USP20: variants seen among roughly 807,000 people sequenced by gnomAD.
USP20 encodes the protein ubiquitin specific peptidase 20.
Under a neutral mutation model 124.2 loss-of-function variants are expected in USP20, and 80 were observed. That is an observed-to-expected ratio of 0.64 (90% CI 0.54 to 0.78). The LOEUF is 0.78. Among genes scored for constraint, USP20 ranks in the 30% least tolerant of loss-of-function variants. The probability of loss-of-function intolerance (pLI) is 0.00; values close to 1 mark genes in which losing one functional copy is unlikely to be tolerated. For synonymous variants in USP20, 481 were observed against 512.3 expected, an observed-to-expected ratio of 0.94 and a Z score of 0.83; for missense variants, 1,043 against 1,244.4, an observed-to-expected ratio of 0.84 and a Z score of 2.44.
At chr9:129,876,780 G>A (rs1326070163) in intron 22 of USP20, among the ~76,000 whole-genome samples, 6 of 152,150 alleles carry the variant, frequency 3.9e-5, no homozygotes, top group Non-Finnish European at 8.8e-5. Flanking sequence ...TGAGCTTAAA[G>A]AACCAGTAGA....
intron 6 of USP20, among the ~76,000 whole-genome samples, chr9:129,860,250 A>C (rs763114417): frequency 5.9e-5 from 9 of 151,788 alleles, no homozygotes; most frequent in Non-Finnish European, 1.0e-4. Flanking sequence ...GAATGGCATG[A>C]ACCTGGGAGG....
chr9:129,879,928 C>T lies in USP20; in HGVS notation c.2585-185C>T, dbSNP rs761098803. ...GGGACACAGCCAGAGATGTGTTATC[C>T]GGGGCCCTTAGCGGGATGGACATTC... is the stretch of plus-strand genomic sequence containing the variant. On this transcript the variant is annotated intron_variant, in intron 24 of 25. Coordinates refer to ENST00000372429, the MANE Select transcript of USP20 (RefSeq NM_001110303.4). The surrounding 1 kb of genome is among the most constrained non-coding windows in gnomAD (Gnocchi z 4.2). Among the ~76,000 whole-genome samples, 8 of 152,140 alleles carry T rather than the reference C, an allele frequency of 5.3e-5. No homozygotes were observed. The highest frequency in any genetic ancestry group is 1.0e-4 in the Non-Finnish European group (7 of 68,024).
At chr9:129,851,084 C>T (rs889844329) in intron 2 of USP20, among the ~76,000 whole-genome samples, 15 of 152,114 alleles carry the variant, frequency 9.9e-5, no homozygotes, top group Non-Finnish European at 1.6e-4. Flanking sequence ...AATCAGCAGT[C>T]AGATTCCTGG....
chr9:129,869,502 G>A, intron 13 of USP20, 77 bp downstream of exon 13: 3 of 1,550,608 alleles, frequency 1.9e-6, no homozygotes, highest in Admixed American at 1.7e-5. Flanking sequence ...CTGGGTGCAG[G>A]GTGGGCTCTC....
At chr9:129,846,887 A>G (rs1240452762) in intron 1 of USP20, among the ~76,000 whole-genome samples, 2 of 152,250 alleles carry the variant, frequency 1.3e-5, no homozygotes, top group East Asian at 1.9e-4. Context: ...TCAGCCTCCC[A>G]AAGTGTTGGG....
intron 19 of USP20, 77 bp from the exon 20 acceptor site, chr9:129,875,233 A>G (rs2034331660): frequency 6.9e-7 from 1 of 1,450,376 alleles, no homozygotes; most frequent in Non-Finnish European, 9.2e-7. Flanking sequence ...CCCGAGGTGC[A>G]CTGGGATGGG....
chr9:129,873,617 G>A, intron 16 of USP20, 82 bp from the exon 17 acceptor site: 1 of 1,613,552 alleles, frequency 6.2e-7, no homozygotes, highest in Non-Finnish European at 8.5e-7. Flanking sequence ...TGCCTTCCCA[G>A]AAGGGAGCCG....
chr9:129,841,019 C>T (rs546975659), intron 1 of USP20, among the ~76,000 whole-genome samples: 12 of 152,306 alleles, frequency 7.9e-5, no homozygotes, highest in African/African-American at 2.9e-4. Context: ...GATCCGCCAG[C>T]CTCAACCTCC....
At chr9:129,868,802 G>T in intron 11 of USP20, 60 bp from the exon 12 acceptor site, 1 of 1,504,348 alleles carries the variant, frequency 6.6e-7, no homozygotes. Context: ...TCATCTTCCT[G>T]CCCACTCGTG....
intron 2 of USP20, among the ~76,000 whole-genome samples, chr9:129,850,758 C>T (rs904017085): frequency 6.6e-6 from 1 of 152,102 alleles, no homozygotes; most frequent in South Asian, 2.1e-4. Flanking sequence ...TGGGTTCAAG[C>T]GATTCTCCTG....
Position 129,868,138 on chromosome 9 carries a change from A to G in USP20, c.824A>G (p.Asp275Gly). 6.2e-7 allele frequency: 1 copy of G among 1,614,148 alleles called. No individual in the cohort carries two copies. The highest frequency in any genetic ancestry group is 2.2e-5 in the East Asian group (1 of 44,880). Residue 275 changes from aspartate to glycine, a missense_variant, in exon 11 of 26, where the codon GAC (aspartate) becomes GGC (glycine). Transcript: ENST00000372429. ...GACACGGATGAGAAACGGGAGGGTG[A>G]CCGGAGCCCATCAGAAGATGAGTTC... ...SSDTDEKREG[D>G]RSPSEDEFLS...
chr9:129,850,206 A>G (rs1250634904), intron 2 of USP20, among the ~76,000 whole-genome samples: 3 of 152,102 alleles, frequency 2.0e-5, no homozygotes, highest in African/African-American at 7.2e-5. Flanking sequence ...AGTTTGGTCT[A>G]CTTTGTTTTT....
rs748752143 is a variant in USP20, at chr9:129,874,820, C to T, written c.1922-9C>T. The T allele has an allele frequency of 3.1e-6, 5 of 1,613,926 alleles. No individual in the cohort carries two copies. The highest frequency in any genetic ancestry group is 3.4e-6 in the Non-Finnish European group (4 of 1,180,016). On this transcript the variant is annotated splice_polypyrimidine_tract_variant and intron_variant, in intron 18 of 25. Transcript: ENST00000372429. ...GGATCCCTGTGACCCGTCTGCTCTG[C>T]CGCCGCAGGTGGGCACTACATCGCC...
In USP20 at chr9:129,863,228, G is replaced by T; in HGVS notation, c.540G>T (p.Val180=). Residue 180 remains valine (V), a synonymous_variant, in exon 9 of 26, where the codon GTG becomes GTT. Coordinates refer to ENST00000372429, the MANE Select transcript of USP20 (RefSeq NM_001110303.4). ...TCTTCTTGGAGTGTGGCGGCCTGGTGCGCACAGATAAGAAGCCAGCCCTGT... is the reference window on the plus strand; with the variant it reads ...TCTTCTTGGAGTGTGGCGGCCTGGTTCGCACAGATAAGAAGCCAGCCCTGT... The part of the protein sequence containing the change: ...TQFFLECGGL[V]RTDKKPALCK... 1.9e-6 allele frequency: 3 copies of T among 1,550,274 alleles called. No homozygotes were observed. The highest frequency in any genetic ancestry group is 1.7e-6 in the Non-Finnish European group (2 of 1,145,350).
intron 12 of USP20, 121 bp downstream of exon 12, chr9:129,869,123 C>T: frequency 7.1e-7 from 1 of 1,414,022 alleles, no homozygotes; most frequent in South Asian, 1.4e-5. Flanking sequence ...TCAGGTACAC[C>T]CCTGAGACAC....
In USP20 at chr9:129,873,401, C is replaced by A; in HGVS notation, c.1661-81C>A. 5 of 1,550,176 alleles carry A rather than the reference C, an allele frequency of 3.2e-6. No homozygotes were observed. In the South Asian group the frequency reaches 5.6e-5, roughly 17 times the overall value. ...GCCCAGCCAGGTTTTATTTCTTAAG[C>A]AGAAATCATTATAGTCACTTTTTTT... On this transcript the variant is annotated intron_variant, in intron 15 of 25. Transcript: ENST00000372429.
intron 1 of USP20, among the ~76,000 whole-genome samples, chr9:129,844,018 T>C (rs2032391040): frequency 6.7e-6 from 1 of 149,976 alleles, no homozygotes; most frequent in Admixed American, 6.7e-5. Context: ...CAGTGAACCA[T>C]GATCACACCA....
intron 9 of USP20, among the ~76,000 whole-genome samples, chr9:129,864,217 C>T (rs1045475854): frequency 1.3e-5 from 2 of 152,016 alleles, no homozygotes; most frequent in African/African-American, 4.8e-5. Flanking sequence ...ACCTGTAAAT[C>T]CAGCACTTTG....
intron 9 of USP20, 128 bp from the exon 10 acceptor site, chr9:129,865,175 T>C: frequency 1.1e-6 from 1 of 908,326 alleles, no homozygotes; most frequent in South Asian, 1.5e-5. Context: ...CCTGGCTGAG[T>C]AGGCCCCTCC....
Sources: gnomAD v4.1 joint callset for allele counts (sites outside exome capture counted in the v4.1 genomes callset) on GRCh38, gnomAD v4.1.1 for gene constraint, Gnocchi (gnomAD v3.1) non-coding constraint, MANE v1.5 for transcripts, NCBI Gene and HGNC (gene_info 2026-07-23, HGNC 2026-07-21) for gene names.